SEMA4A: variants seen among roughly 807,000 people sequenced by gnomAD.
SEMA4A encodes the protein semaphorin-4A.
In SEMA4A, 52 loss-of-function variants were observed where a neutral mutation model predicts 72.5. The observed-to-expected ratio is 0.72, with a 90% CI of 0.57 to 0.90. The LOEUF (loss-of-function observed/expected upper bound fraction) is 0.90. Among genes scored for constraint, SEMA4A ranks in the 40% least tolerant of loss-of-function variants. The pLI, the probability that SEMA4A is intolerant of heterozygous loss-of-function variation, is 0.00. For synonymous variants in SEMA4A, 369 were observed against 393.1 expected (o/e 0.94, Z 0.73); for missense variants, 926 against 959.7 (o/e 0.96, Z 0.46).
At chr1:156,155,026 C>G (rs1426897407) in intron 2 of SEMA4A, 1 of 434,912 alleles carries the variant, frequency 2.3e-6, no homozygotes, top group South Asian at 2.5e-5. Context: ...TGTCACCAAG[C>G]TGGGCACCTC....
chr1:156,175,609 G>A lies in SEMA4A; in HGVS notation c.1646G>A (p.Ser549Asn), dbSNP rs199696322. 5.8e-5 allele frequency: 93 copies of A among 1,613,332 alleles called. 1 individual carries two copies. In the East Asian group the frequency reaches 1.9e-3, roughly 34 times the overall value. ...GGGAACCCAGAGTGGGCATGTGCCA[G>A]TGGCCCCATGAGCAGGAGCCTTCGG... The part of the protein sequence containing the change: ...ERGNPEWACA[S>N]GPMSRSLRPQ... The change falls in exon 14 of 15, where the codon AGT (serine) becomes AAT (asparagine). Residue 549 changes from serine (S) to asparagine (N), a missense_variant. Ser to Asn is a conservative substitution (Grantham distance 46). Transcript: ENST00000368285.
In SEMA4A at chr1:156,163,105, C is replaced by G. The variant is rs1210627523; in HGVS notation, c.1134+11C>G. On this transcript the variant is annotated intron_variant, in intron 10 of 14. Transcript: ENST00000368285. Reference sequence around the variant, plus strand: ...CCCCGGCCAGGCAGTGTGAGTACTACCCCCCACACTGAGCACAGTCTACAC... The same window carrying G: ...CCCCGGCCAGGCAGTGTGAGTACTAGCCCCCACACTGAGCACAGTCTACAC... 1.9e-6 allele frequency: 3 copies of G among 1,607,716 alleles called. No individual in the cohort carries two copies. The highest frequency in any genetic ancestry group is 1.7e-6 in the Non-Finnish European group (2 of 1,176,178).
intron 6 of SEMA4A, 93 bp downstream of exon 6, chr1:156,158,917 G>T: frequency 8.9e-7 from 1 of 1,127,480 alleles, no homozygotes; most frequent in South Asian, 1.2e-5. Flanking sequence ...AAAAGGCAGG[G>T]GAAACTGGGT....
chr1:156,162,314 A>G (rs1317840988), intron 9 of SEMA4A, among the ~76,000 whole-genome samples: 1 of 152,202 alleles, frequency 6.6e-6, no homozygotes, highest in African/African-American at 2.4e-5. Flanking sequence ...AGGTTAACCA[A>G]TTTGTCCAAG....
intron 11 of SEMA4A, among the ~76,000 whole-genome samples, chr1:156,173,812 T>G (rs1330708439): frequency 2.0e-5 from 3 of 151,828 alleles, no homozygotes. Flanking sequence ...AGAGGTAGAT[T>G]CAAATAGCCA....
chr1:156,166,928 C>CAA (rs111620474), intron 10 of SEMA4A, among the ~76,000 whole-genome samples: 55 of 147,842 alleles, frequency 3.7e-4, no homozygotes, highest in African/African-American at 1.3e-3. Context: ...GACTTCATCT[C>CAA]AAAAAAAAAA....
Position 156,154,727 on chromosome 1 carries a change from C to T in SEMA4A, c.139+10C>T, listed in dbSNP as rs200265374. ...GTCAGATACTATGCAGGTAAGTGTC[C>T]GACAGCAGGAAGTGTGGGGATAGCA... On this transcript the variant is annotated intron_variant, in intron 2 of 14. Coordinates refer to ENST00000368285, the MANE Select transcript of SEMA4A (RefSeq NM_022367.4). The T allele has an allele frequency of 1.5e-5, 23 of 1,576,738 alleles. No individual in the cohort carries two copies. Among genetic ancestry groups the T allele is most frequent in the Middle Eastern group, 1.7e-4 (1 of 6,000 alleles).
chr1:156,162,647 T>C (rs1239678511), intron 9 of SEMA4A, among the ~76,000 whole-genome samples: 3 of 152,244 alleles, frequency 2.0e-5, no homozygotes, highest in Admixed American at 6.5e-5. Flanking sequence ...TGCAGCCCAG[T>C]GTAGGCAGGA....
chr1:156,153,878 G>C (rs937776722), intron 1 of SEMA4A, 114 bp downstream of exon 1: 2 of 152,430 alleles, frequency 1.3e-5, no homozygotes, highest in Middle Eastern at 3.4e-3. Context: ...GCTGGGAGCC[G>C]GCCAGCCACC....
rs1655377258 is a variant in SEMA4A at position 156,176,740 on chromosome 1, C to T, written c.2029C>T (p.Gln677Ter). 2 of 1,612,910 alleles carry T rather than the reference C, an allele frequency of 1.2e-6. No individual in the cohort carries two copies. Among genetic ancestry groups the T allele is most frequent in the Non-Finnish European group, 1.7e-6 (2 of 1,179,008 alleles). The change falls in exon 15 of 15, where the codon CAG becomes TAG. Residue 677 changes from glutamine (Q) to a stop codon, truncating the protein, a stop_gained. Coordinates refer to ENST00000368285, the MANE Select transcript of SEMA4A (RefSeq NM_022367.4). LOFTEE classifies it high-confidence loss of function. ...CAGTGGTGGGGCCGCCCTGGCTGCC[C>T]AGCAGTCCTACTGGCCCCACTTTGT... ...RVSGGAALAA[Q>*]QSYWPHFVTV...
At chr1:156,152,924 A>G (rs1351749495), upstream of SEMA4A, among the ~76,000 whole-genome samples, 1 of 152,146 alleles carries the variant, frequency 6.6e-6, no homozygotes, top group Non-Finnish European at 1.5e-5. Context: ...TTGGCGCTGG[A>G]TGCCTCATTA....
intron 5 of SEMA4A, 52 bp downstream of exon 5, chr1:156,158,538 C>A: frequency 6.9e-7 from 1 of 1,447,180 alleles, no homozygotes; most frequent in Non-Finnish European, 9.7e-7. Context: ...CTTCTCACAT[C>A]TACCCACGAC....
At chr1:156,168,949 C>A (rs1654442446) in intron 10 of SEMA4A, among the ~76,000 whole-genome samples, 2 of 152,076 alleles carry the variant, frequency 1.3e-5, no homozygotes. Context: ...AGTGTACTTA[C>A]CTTATTGAAT....
At chr1:156,158,964 G>C in intron 6 of SEMA4A, 140 bp downstream of exon 6, 1 of 737,274 alleles carries the variant, frequency 1.4e-6, no homozygotes, top group Non-Finnish European at 2.4e-6. Flanking sequence ...TTATTTGGAA[G>C]CTGAAGTTGA....
chr1:156,173,178 C>T (rs1654968525), intron 11 of SEMA4A, among the ~76,000 whole-genome samples, 172 bp downstream of exon 11: 1 of 152,250 alleles, frequency 6.6e-6, no homozygotes, highest in African/African-American at 2.4e-5. Context: ...AGGAGCAAAA[C>T]AGTCCACTCC....
At position 156,158,460 on chromosome 1, in the gene SEMA4A, G is replaced by A. The variant is rs770370224; in HGVS notation, c.436G>A (p.Ala146Thr). 8.7e-6 allele frequency: 14 copies of A among 1,613,610 alleles called. No homozygotes were observed. Among genetic ancestry groups the A allele is most frequent in the African/African-American group, 2.7e-5 (2 of 74,836 alleles). Reference sequence around the variant, plus strand: ...CCATCTCTACACCTGCGGCACCTTCGCCTTCAGCCCTGCTTGTACCTTCAT... The same window carrying A: ...CCATCTCTACACCTGCGGCACCTTCACCTTCAGCCCTGCTTGTACCTTCAT... ...VTHLYTCGTFAFSPACTFIEL... is the reference protein window; with the variant it reads ...VTHLYTCGTFTFSPACTFIEL... The change falls in exon 5 of 15, where the codon GCC becomes ACC. Residue 146 changes from alanine (A) to threonine (T), a missense_variant. Coordinates refer to ENST00000368285, the MANE Select transcript of SEMA4A (RefSeq NM_022367.4).
At chr1:156,158,880 GA>G in intron 6 of SEMA4A, 56 bp downstream of exon 6, 1 of 1,419,978 alleles carries the variant, frequency 7.0e-7, no homozygotes, top group South Asian at 1.1e-5. Flanking sequence ...GTCACGCTGT[GA>G]AATATGGAAT....
intron 11 of SEMA4A, 105 bp downstream of exon 11, chr1:156,173,111 G>A (rs1558161547): frequency 4.3e-6 from 5 of 1,172,088 alleles, no homozygotes; most frequent in Admixed American, 2.0e-5. Flanking sequence ...TTCAACAACT[G>A]TTTACTGAGC....
intron 6 of SEMA4A, among the ~76,000 whole-genome samples, chr1:156,159,788 G>T (rs886869450): frequency 2.0e-5 from 3 of 151,762 alleles, no homozygotes; most frequent in African/African-American, 7.3e-5. Flanking sequence ...AACAAAATTA[G>T]CCGGACAAGC....
Sources: gnomAD v4.1 joint callset for allele counts (sites outside exome capture counted in the v4.1 genomes callset) on GRCh38, gnomAD v4.1.1 for gene constraint, MANE v1.5 for transcripts, NCBI Gene and HGNC (gene_info 2026-07-23, HGNC 2026-07-21) for gene names.